Variants in NIBAN1 observed in about 807,000 individuals in gnomAD.
The protein encoded by NIBAN1 is protein Niban 1.
In NIBAN1, 81 loss-of-function variants were observed where a neutral mutation model predicts 75.1. The observed-to-expected ratio is 1.08, with a 90% CI of 0.90 to 1.30. The LOEUF is 1.30. NIBAN1 is among the 50% of genes most tolerant of loss of function. NIBAN1 has a pLI of 0.00. For missense variants in NIBAN1, 1,133 were observed against 1,128.1 expected, an observed-to-expected ratio of 1.00 and a Z score of -0.06; for synonymous variants, 436 against 424.8, an observed-to-expected ratio of 1.03 and a Z score of -0.32.
intron 5 of NIBAN1, among the ~76,000 whole-genome samples, chr1:184,853,752 T>A (rs1655604562): frequency 6.6e-6 from 1 of 152,024 alleles, no homozygotes; most frequent in African/African-American, 2.4e-5. Flanking sequence ...TATACACATG[T>A]GCATACACAC....
intron 5 of NIBAN1, among the ~76,000 whole-genome samples, chr1:184,883,958 T>C (rs965488620): frequency 1.1e-4 from 16 of 152,332 alleles, no homozygotes; most frequent in African/African-American, 3.4e-4. Context: ...AAAACTGGCA[T>C]GTTCTTGCTG....
chr1:184,936,155 C>T (rs1657954844), intron 1 of NIBAN1, among the ~76,000 whole-genome samples: 1 of 152,140 alleles, frequency 6.6e-6, no homozygotes, highest in Non-Finnish European at 1.5e-5. Context: ...GATTCCATCA[C>T]CAGACCATGA....
chr1:184,843,513 G>A (rs1186871707), intron 5 of NIBAN1, among the ~76,000 whole-genome samples: 3 of 152,146 alleles, frequency 2.0e-5, no homozygotes, highest in African/African-American at 7.2e-5. Context: ...GTGTGCTGAA[G>A]TTGTGATTCA....
intron 2 of NIBAN1, among the ~76,000 whole-genome samples, chr1:184,894,774 T>C (rs1656757071): frequency 6.6e-6 from 1 of 152,224 alleles, no homozygotes; most frequent in Admixed American, 6.5e-5. Context: ...CAAGCAGGTA[T>C]CAAGCCAGAA....
At chr1:184,888,776 G>A (rs1416650445) in intron 4 of NIBAN1, among the ~76,000 whole-genome samples, 2 of 152,218 alleles carry the variant, frequency 1.3e-5, no homozygotes, top group African/African-American at 4.8e-5. Context: ...ATTTGGATGA[G>A]TCAACATGTT....
intron 1 of NIBAN1, among the ~76,000 whole-genome samples, chr1:184,953,148 G>A (rs1658400844): frequency 6.6e-6 from 1 of 152,202 alleles, no homozygotes; most frequent in Non-Finnish European, 1.5e-5. Context: ...TGCTTTACGA[G>A]GATTAGTGCA....
chr1:184,906,259 A>G (rs1179637553), intron 1 of NIBAN1, among the ~76,000 whole-genome samples: 1 of 135,416 alleles, frequency 7.4e-6, no homozygotes, highest in African/African-American at 2.9e-5. Context: ...TCCTGTCTCA[A>G]AATAAATGAA....
intron 10 of NIBAN1, among the ~76,000 whole-genome samples, chr1:184,807,386 G>GAT: frequency 1.3e-5 from 2 of 151,788 alleles, no homozygotes; most frequent in African/African-American, 2.4e-5. Flanking sequence ...GTGATTGATT[G>GAT]ATTGGTTTAC....
intron 5 of NIBAN1, among the ~76,000 whole-genome samples, chr1:184,880,804 G>A (rs1656357621): frequency 6.6e-6 from 1 of 152,152 alleles, no homozygotes; most frequent in African/African-American, 2.4e-5. Flanking sequence ...TTGGACAACA[G>A]GACTGTCTCA....
chr1:184,940,819 G>A (rs1658071473), intron 1 of NIBAN1, among the ~76,000 whole-genome samples: 1 of 152,118 alleles, frequency 6.6e-6, no homozygotes, highest in African/African-American at 2.4e-5. Context: ...AAAATATGAG[G>A]AGGATCATTC....
At chr1:184,885,291 G>C (rs1656493062) in intron 4 of NIBAN1, among the ~76,000 whole-genome samples, 1 of 152,114 alleles carries the variant, frequency 6.6e-6, no homozygotes, top group Non-Finnish European at 1.5e-5. Context: ...GCCCGCCTCA[G>C]CCTCTCGAGT....
intron 1 of NIBAN1, among the ~76,000 whole-genome samples, chr1:184,951,427 G>A (rs764488344): frequency 3.9e-5 from 6 of 152,136 alleles, no homozygotes; most frequent in Non-Finnish European, 5.9e-5. Context: ...TCCATCAAAT[G>A]TGTTCCCCCA....
At chr1:184,923,942 T>C (rs1195818087) in intron 1 of NIBAN1, among the ~76,000 whole-genome samples, 2 of 152,018 alleles carry the variant, frequency 1.3e-5, no homozygotes, top group Admixed American at 6.5e-5. Flanking sequence ...ACTGAATTTG[T>C]TTATCAGTTC....
At chr1:184,932,196 T>C (rs962818358) in intron 1 of NIBAN1, among the ~76,000 whole-genome samples, 1 of 152,148 alleles carries the variant, frequency 6.6e-6, no homozygotes, top group Non-Finnish European at 1.5e-5. Flanking sequence ...GGGTGGCAGA[T>C]GGTTTTGGGA....
chr1:184,907,787 C>T (rs370335302), intron 1 of NIBAN1, among the ~76,000 whole-genome samples: 2 of 152,104 alleles, frequency 1.3e-5, no homozygotes, highest in Admixed American at 1.3e-4. Flanking sequence ...ATTATTGGTG[C>T]CTGAGAGTCA....
chr1:184,936,699 G>A (rs983053961), intron 1 of NIBAN1, among the ~76,000 whole-genome samples: 2 of 151,898 alleles, frequency 1.3e-5, no homozygotes, highest in South Asian at 2.1e-4. Flanking sequence ...GCGTGCGTGC[G>A]TGTGTGTGTG....
At chr1:184,814,023 A>AT (rs1654457664) in intron 9 of NIBAN1, among the ~76,000 whole-genome samples, 1 of 152,222 alleles carries the variant, frequency 6.6e-6, no homozygotes, top group African/African-American at 2.4e-5. Flanking sequence ...AATTAAATGT[A>AT]TTTTTTGTAA....
At chr1:184,952,095 C>T (rs1024144894) in intron 1 of NIBAN1, among the ~76,000 whole-genome samples, 2 of 152,188 alleles carry the variant, frequency 1.3e-5, no homozygotes, top group Non-Finnish European at 2.9e-5. Flanking sequence ...ACAATGAATG[C>T]TTCATTATTA....
intron 11 of NIBAN1, 49 bp downstream of exon 11, chr1:184,805,897 G>C: frequency 7.0e-7 from 1 of 1,424,754 alleles, no homozygotes; most frequent in African/African-American, 1.4e-5. Context: ...AAAGAAACAG[G>C]GGTCACGTTC....
Sources: gnomAD v4.1 joint callset for allele counts (sites outside exome capture counted in the v4.1 genomes callset) on GRCh38, gnomAD v4.1.1 for gene constraint, MANE v1.5 for transcripts, NCBI Gene and HGNC (gene_info 2026-07-23, HGNC 2026-07-21) for gene names.